CDH13: variants seen among roughly 807,000 people sequenced by gnomAD.
The protein encoded by CDH13 is cadherin 13.
In CDH13, 24 loss-of-function variants were observed where a neutral mutation model predicts 63.8. The ratio of observed to expected loss-of-function variants is 0.38; its 90% CI spans 0.27 to 0.53. The LOEUF (loss-of-function observed/expected upper bound fraction) is 0.53. CDH13 is among the 20% of genes least tolerant of loss of function. CDH13 has a pLI of 0.85. For missense variants in CDH13, 1,049 were observed against 903.1 expected (o/e 1.16, Z -2.07); for synonymous variants, 503 against 355.3 (o/e 1.42, Z -4.67).
At chr16:83,649,492 T>C (rs1318960116) in intron 8 of CDH13, among the ~76,000 whole-genome samples, 5 of 152,160 alleles carry the variant, frequency 3.3e-5, no homozygotes, top group African/African-American at 1.2e-4. Context: ...TTGTGGTTGT[T>C]TTCTAATTGG....
Position 83,570,337 on chromosome 16 carries a change from C to T in CDH13, c.961-32117C>T, listed in dbSNP as rs573631944. Among the ~76,000 whole-genome samples, 35 of 152,148 alleles carry T rather than the reference C, an allele frequency of 2.3e-4. No homozygotes were observed. In the Middle Eastern group the frequency reaches 0.014, roughly 59 times the overall value. On this transcript the variant is annotated intron_variant, in intron 7 of 13. Transcript: ENST00000567109. ...TCTGTTCACCCCACCTTCTAAAATCCCCACCTCTCACACCTGGTCTCTGAT... is the reference window on the plus strand; with the variant it reads ...TCTGTTCACCCCACCTTCTAAAATCTCCACCTCTCACACCTGGTCTCTGAT...
chr16:83,301,024 G>GTTTTTTTTTTTTTTTTTTTTTTTTTTT lies in CDH13; in HGVS notation c.637-43838_637-43837insTTTTTTTTTTTTTTTTTTTTTTTTTTT, dbSNP rs1567574870. On this transcript the variant is annotated intron_variant, in intron 5 of 13. Transcript: ENST00000567109. Reference sequence around the variant, plus strand: ...TGAACTGATACATATAACTTTCTGGGGTTTTTTTTTTTTTTTTTTTTTTTT... The same window carrying GTTTTTTTTTTTTTTTTTTTTTTTTTTT: ...TGAACTGATACATATAACTTTCTGGGTTTTTTTTTTTTTTTTTTTTTTTTTTTGTTTTTTTTTTTTTTTTTTTTTTTT... Among the ~76,000 whole-genome samples, 6 of 53,988 alleles carry GTTTTTTTTTTTTTTTTTTTTTTTTTTT rather than the reference G, an allele frequency of 1.1e-4. 1 individual carries two copies. Among genetic ancestry groups the GTTTTTTTTTTTTTTTTTTTTTTTTTTT allele is most frequent in the African/African-American group, 3.4e-4 (5 of 14,906 alleles). 35.4% of individuals were successfully genotyped at this position (53,988 alleles called of 152,430 possible). A position where few individuals can be genotyped will look rare whatever the true frequency, so the allele number is the denominator to read the frequency against.
intron 5 of CDH13, among the ~76,000 whole-genome samples, chr16:83,225,916 A>G (rs915568276): frequency 6.6e-6 from 1 of 152,200 alleles, no homozygotes; most frequent in Non-Finnish European, 1.5e-5. Context: ...AAGCGAGACA[A>G]TGCAGGGGTT....
At chr16:83,081,676 C>G (rs1259406410) in intron 3 of CDH13, among the ~76,000 whole-genome samples, 1 of 151,836 alleles carries the variant, frequency 6.6e-6, no homozygotes, top group Admixed American at 6.6e-5. Flanking sequence ...TCATTGTAAA[C>G]TCACACAGTA....
chr16:83,469,472 C>T (rs1029555551), intron 6 of CDH13, among the ~76,000 whole-genome samples: 12 of 152,182 alleles, frequency 7.9e-5, no homozygotes, highest in Non-Finnish European at 1.5e-4. Context: ...GCTGGCCCCA[C>T]CCTATATCTC....
chr16:83,058,356 C>T (rs888271645), intron 3 of CDH13, among the ~76,000 whole-genome samples: 10 of 152,184 alleles, frequency 6.6e-5, no homozygotes, highest in Admixed American at 6.5e-5. Flanking sequence ...CTGCGTGTGC[C>T]GCTGGCCAAT....
intron 7 of CDH13, among the ~76,000 whole-genome samples, chr16:83,541,465 CTGTT>C (rs368306576): frequency 6.6e-6 from 1 of 152,194 alleles, no homozygotes; most frequent in Non-Finnish European, 1.5e-5. Context: ...TCACTAAACT[CTGTT>C]TGTTTTCACT....
At chr16:83,247,176 G>C (rs1395966982) in intron 5 of CDH13, among the ~76,000 whole-genome samples, 1 of 152,190 alleles carries the variant, frequency 6.6e-6, no homozygotes, top group Non-Finnish European at 1.5e-5. Flanking sequence ...CACAGATCTA[G>C]TTTTGAGCAA....
intron 6 of CDH13, among the ~76,000 whole-genome samples, chr16:83,400,556 C>T (rs2091953224): frequency 6.6e-6 from 1 of 152,140 alleles, no homozygotes; most frequent in South Asian, 2.1e-4. Context: ...TAGGTTGGAG[C>T]AAAAGTAATT....
In CDH13 at chr16:83,553,691, G is replaced by C. The variant is rs193106048; in HGVS notation, c.961-48763G>C. ...CCTGCATCAGCCTCCCAAGTAGTTG[G>C]GATTACAGGCACCCACCACCACACT... On this transcript the variant is annotated intron_variant, in intron 7 of 13. Coordinates refer to ENST00000567109, the MANE Select transcript of CDH13 (RefSeq NM_001257.5). Among the ~76,000 whole-genome samples, 138 of 152,214 alleles carry C rather than the reference G, an allele frequency of 9.1e-4. 2 individuals are homozygous for C. The highest frequency in any genetic ancestry group is 3.1e-3 in the African/African-American group (127 of 41,520).
At chr16:83,521,499 A>G (rs2074835738) in intron 7 of CDH13, among the ~76,000 whole-genome samples, 1 of 152,246 alleles carries the variant, frequency 6.6e-6, no homozygotes, top group African/African-American at 2.4e-5. Context: ...CAACAGCAAT[A>G]AAATGCAGTT....
intron 3 of CDH13, among the ~76,000 whole-genome samples, chr16:83,095,495 C>A (rs1184560139): frequency 6.6e-6 from 1 of 152,150 alleles, no homozygotes; most frequent in Non-Finnish European, 1.5e-5. Context: ...ACTGGTATAT[C>A]CTCTCAAAGG....
intron 2 of CDH13, among the ~76,000 whole-genome samples, chr16:82,955,557 T>C (rs1215810134): frequency 6.6e-6 from 1 of 152,054 alleles, no homozygotes; most frequent in Non-Finnish European, 1.5e-5. Flanking sequence ...TTTTAAAGCA[T>C]ATACAGGTGG....
intron 5 of CDH13, among the ~76,000 whole-genome samples, chr16:83,259,447 T>G (rs1163565976): frequency 6.6e-6 from 1 of 152,164 alleles, no homozygotes; most frequent in Non-Finnish European, 1.5e-5. Flanking sequence ...CCTCCCTTTC[T>G]CAGCATCCTT....
chr16:83,597,113 C>G (rs1907336729), intron 7 of CDH13, among the ~76,000 whole-genome samples: 1 of 152,080 alleles, frequency 6.6e-6, no homozygotes, highest in Non-Finnish European at 1.5e-5. Flanking sequence ...GTCTTAGCTA[C>G]TTGGGGTGCT....
At chr16:82,890,253 C>T (rs185221725) in intron 2 of CDH13, among the ~76,000 whole-genome samples, 18 of 152,272 alleles carry the variant, frequency 1.2e-4, no homozygotes, top group African/African-American at 3.9e-4. Context: ...ATGCTCCAGG[C>T]AGGAGATCTT....
At chr16:82,885,418 C>T (rs2040849307) in intron 2 of CDH13, among the ~76,000 whole-genome samples, 1 of 151,130 alleles carries the variant, frequency 6.6e-6, no homozygotes, top group African/African-American at 2.4e-5. Flanking sequence ...ACCCACCCAT[C>T]TATATACACC....
chr16:82,728,217 C>T (rs116077529), intron 1 of CDH13, among the ~76,000 whole-genome samples: 1,685 of 152,250 alleles, frequency 0.011, 36 homozygotes, highest in African/African-American at 0.039. Context: ...GGAGGGATCA[C>T]ACTGCTTCTC....
intron 11 of CDH13, among the ~76,000 whole-genome samples, chr16:83,771,828 C>T (rs1193550185): frequency 2.0e-5 from 3 of 152,184 alleles, no homozygotes; most frequent in Non-Finnish European, 2.9e-5. Context: ...CTCATTTCCT[C>T]ATTTGGAAAT....
Sources: allele counts gnomAD v4.1 joint callset (sites outside exome capture counted in the v4.1 genomes callset), GRCh38; gene constraint gnomAD v4.1.1; transcripts MANE v1.5; gene names NCBI Gene and HGNC (gene_info 2026-07-23, HGNC 2026-07-21).